The following COL21A1 variants were observed in gnomAD, a reference collection of about 807,000 sequenced individuals.
The protein encoded by COL21A1 is collagen alpha-1(XXI) chain.
A neutral mutation model predicts 137.9 loss-of-function variants in COL21A1; 149 were observed. The observed-to-expected ratio is 1.08, with a 90% confidence interval of 0.95 to 1.24. COL21A1 has a LOEUF of 1.24. Ranked by LOEUF, COL21A1 falls within the 50% of genes most tolerant of loss-of-function variation. The probability of loss-of-function intolerance (pLI) is 0.00; values close to 1 mark genes in which losing one functional copy is unlikely to be tolerated. For synonymous variants in COL21A1, 456 were observed against 391.5 expected (o/e 1.16, Z -1.95); for missense variants, 1,167 against 1,158.4 (o/e 1.01, Z -0.11).
Position 56,126,088 on chromosome 6 carries a change from T to A in COL21A1, c.1596+8A>T, listed in dbSNP as rs768063006. 2.6e-6 allele frequency: 4 copies of A among 1,533,398 alleles called. No homozygotes were observed. The highest frequency in any genetic ancestry group is 3.5e-6 in the Non-Finnish European group (4 of 1,135,576). The allele number at this position is 1,533,398 out of a possible 1,614,324, so 95.0% of individuals were successfully genotyped here. On this transcript the variant is annotated splice_region_variant and intron_variant, in intron 13 of 29. Transcript: ENST00000244728. ...TTGCTATATTTAAAAGAAACAGATT[T>A]CTTCAACCTTTGATCCTGGCATGCC...
At chr6:56,219,679 T>C (rs2876628) in intron 1 of COL21A1, among the ~76,000 whole-genome samples, 3,812 of 152,274 alleles carry the variant, frequency 0.025, 154 homozygotes, top group African/African-American at 0.087. Context: ...TGACGATGGA[T>C]GTGATGATAC....
intron 1 of COL21A1, among the ~76,000 whole-genome samples, chr6:56,337,326 TA>T (rs1765351515): frequency 6.6e-6 from 1 of 152,248 alleles, no homozygotes; most frequent in South Asian, 2.1e-4. Context: ...ATCTTCCAGC[TA>T]TAGTCCTACT....
At chr6:56,143,199 CTTTT>C (rs1201380404) in intron 10 of COL21A1, among the ~76,000 whole-genome samples, 1 of 124,528 alleles carries the variant, frequency 8.0e-6, no homozygotes. Flanking sequence ...TACAATTTTT[CTTTT>C]TTTTTTTTTT....
intron 3 of COL21A1, among the ~76,000 whole-genome samples, chr6:56,175,616 T>C (rs1382445407): frequency 1.3e-5 from 2 of 151,806 alleles, no homozygotes; most frequent in Non-Finnish European, 2.9e-5. Context: ...CTACAAAACA[T>C]TGATAAAAGA....
intron 1 of COL21A1, among the ~76,000 whole-genome samples, chr6:56,367,162 C>T (rs1766119481): frequency 6.6e-6 from 1 of 152,056 alleles, no homozygotes; most frequent in African/African-American, 2.4e-5. Context: ...ATTTAAAATG[C>T]CATTATTCAC....
At chr6:56,229,301 A>G (rs1410140881) in intron 1 of COL21A1, among the ~76,000 whole-genome samples, 2 of 151,992 alleles carry the variant, frequency 1.3e-5, no homozygotes, top group Non-Finnish European at 2.9e-5. Flanking sequence ...GGACAGAACC[A>G]TTGAGCCCAG....
intron 1 of COL21A1, among the ~76,000 whole-genome samples, chr6:56,337,961 C>CTTTTTTTTTTTTTTT (rs200998969): frequency 9.9e-5 from 9 of 90,848 alleles, no homozygotes; most frequent in Non-Finnish European, 2.0e-4. Flanking sequence ...CTTTTCTTTT[C>CTTTTTTTTTTTTTTT]TTTTTTTTTT....
intron 1 of COL21A1, among the ~76,000 whole-genome samples, chr6:56,338,945 T>A (rs1172436232): frequency 6.6e-6 from 1 of 152,172 alleles, no homozygotes; most frequent in Non-Finnish European, 1.5e-5. Context: ...AAAGACTGCT[T>A]AGCAGATCTC....
chr6:56,138,215 T>C (rs1436473737), intron 12 of COL21A1, among the ~76,000 whole-genome samples: 1 of 151,676 alleles, frequency 6.6e-6, no homozygotes, highest in Non-Finnish European at 1.5e-5. Context: ...AAATATTTTT[T>C]AGAAAAGAGG....
At chr6:56,226,054 A>G (rs1781167124) in intron 1 of COL21A1, 1 of 152,084 alleles carries the variant, frequency 6.6e-6, no homozygotes, top group African/African-American at 2.4e-5. Context: ...ATTCTTCCCA[A>G]GAATAAGAGT....
intron 17 of COL21A1, among the ~76,000 whole-genome samples, chr6:56,095,237 G>C (rs1380885025): frequency 6.6e-6 from 1 of 152,036 alleles, no homozygotes; most frequent in African/African-American, 2.4e-5. Context: ...ACTTGCACTA[G>C]CCAAAACTGG....
chr6:56,191,703 CAAG>C, intron 1 of COL21A1, among the ~76,000 whole-genome samples: 1 of 151,652 alleles, frequency 6.6e-6, no homozygotes, highest in East Asian at 1.9e-4. Context: ...AGGACCTCTT[CAAG>C]AAGAACTACA....
chr6:56,390,227 G>T (rs1354197909), intron 1 of COL21A1, among the ~76,000 whole-genome samples: 1 of 151,790 alleles, frequency 6.6e-6, no homozygotes, highest in Non-Finnish European at 1.5e-5. Context: ...CTATGTGTTT[G>T]TTTGTTTATT....
intron 1 of COL21A1, among the ~76,000 whole-genome samples, chr6:56,314,642 T>C (rs184484069): frequency 3.3e-5 from 5 of 152,292 alleles, no homozygotes; most frequent in Admixed American, 3.3e-4. Flanking sequence ...TTATATAATT[T>C]TAACAACACG....
At chr6:56,240,660 G>A (rs1782241193) in intron 1 of COL21A1, among the ~76,000 whole-genome samples, 1 of 152,030 alleles carries the variant, frequency 6.6e-6, no homozygotes, top group Non-Finnish European at 1.5e-5. Context: ...TTTTAACTAA[G>A]AAAAATATAC....
chr6:56,060,800 A>G lies in COL21A1; in HGVS notation c.2353-5T>C, dbSNP rs1425265010. The G allele has an allele frequency of 6.2e-7, 1 of 1,608,798 alleles. No homozygotes were observed. The highest frequency in any genetic ancestry group is 2.2e-5 in the East Asian group (1 of 44,758). On this transcript the variant is annotated splice_region_variant and splice_polypyrimidine_tract_variant and intron_variant, in intron 26 of 29. Transcript: ENST00000244728. ...TTGTTCTGAAAACTCTCTTCCCTGC[A>G]TCAAAGTGTTAGGGGTTATAACATG...
At chr6:56,297,913 C>T (rs143004493) in intron 1 of COL21A1, among the ~76,000 whole-genome samples, 1 of 151,916 alleles carries the variant, frequency 6.6e-6, no homozygotes, top group Non-Finnish European at 1.5e-5. Context: ...CTCAATTCTG[C>T]ACTGTTCATT....
At chr6:56,162,599 G>T (rs1029428907) in intron 9 of COL21A1, among the ~76,000 whole-genome samples, 1 of 152,134 alleles carries the variant, frequency 6.6e-6, no homozygotes, top group South Asian at 2.1e-4. Flanking sequence ...GCCCCTTGGA[G>T]ACCCTGGAGA....
At chr6:56,074,202 T>C in intron 20 of COL21A1, 30 bp downstream of exon 20, 1 of 1,527,458 alleles carries the variant, frequency 6.5e-7, no homozygotes, top group East Asian at 2.4e-5. Context: ...TATACAAAGT[T>C]CCCAGTCTTG....
Sources: allele counts gnomAD v4.1 joint callset (sites outside exome capture counted in the v4.1 genomes callset), GRCh38; gene constraint gnomAD v4.1.1; transcripts MANE v1.5; gene names NCBI Gene and HGNC (gene_info 2026-07-23, HGNC 2026-07-21).